Variants in ATP2B4 observed in about 807,000 individuals in gnomAD.
ATP2B4 encodes the protein plasma membrane calcium-transporting ATPase 4.
Under a neutral mutation model 110.3 loss-of-function variants are expected in ATP2B4, and 39 were observed. The observed-to-expected ratio is 0.35, with a 90% CI of 0.27 to 0.46. The LOEUF (loss-of-function observed/expected upper bound fraction) is 0.46, where lower values mean the gene tolerates loss of function less well. Ranked by LOEUF, ATP2B4 falls within the 20% of genes least tolerant of loss-of-function variation. The pLI is 1.00. For missense variants in ATP2B4, 1,135 were observed against 1,530.9 expected (o/e 0.74, Z 4.32); for synonymous variants, 538 against 571.7 (o/e 0.94, Z 0.84).
intron 20 of ATP2B4, among the ~76,000 whole-genome samples, chr1:203,737,032 C>G (rs765194367): frequency 2.2e-4 from 33 of 152,206 alleles, no homozygotes; most frequent in Non-Finnish European, 4.4e-4. Flanking sequence ...TGCAGTCTAG[C>G]TGGATGACTG....
At chr1:203,722,003 A>T (rs1024748683) in intron 17 of ATP2B4, among the ~76,000 whole-genome samples, 2 of 152,162 alleles carry the variant, frequency 1.3e-5, no homozygotes, top group Admixed American at 1.3e-4. Flanking sequence ...CTCAGGTCCC[A>T]TAATGAGTAC....
chr1:203,724,651 A>G (rs1666450333), intron 19 of ATP2B4, among the ~76,000 whole-genome samples: 1 of 151,986 alleles, frequency 6.6e-6, no homozygotes, highest in African/African-American at 2.4e-5. Flanking sequence ...ACATGTCTTT[A>G]TTCTCATGAG....
At chr1:203,714,760 A>G (rs1012562004) in intron 15 of ATP2B4, among the ~76,000 whole-genome samples, 2 of 151,984 alleles carry the variant, frequency 1.3e-5, no homozygotes, top group Non-Finnish European at 2.9e-5. Context: ...TTTAACAGGC[A>G]CACCAGTTAA....
At chr1:203,678,799 G>A (rs548247686) in intron 1 of ATP2B4, among the ~76,000 whole-genome samples, 2 of 152,188 alleles carry the variant, frequency 1.3e-5, no homozygotes, top group African/African-American at 4.8e-5. Context: ...AAGAGCACCA[G>A]GCAGTCAAGA....
At chr1:203,703,935 G>T (rs776928435) in intron 8 of ATP2B4, 122 bp downstream of exon 8, 2 of 1,291,092 alleles carry the variant, frequency 1.5e-6, no homozygotes, top group East Asian at 2.6e-5. Flanking sequence ...AGGGTGGCTA[G>T]TTGGGGCTAG....
chr1:203,735,185 G>T (rs1352899034), intron 20 of ATP2B4, among the ~76,000 whole-genome samples: 1 of 152,044 alleles, frequency 6.6e-6, no homozygotes. Flanking sequence ...TTCACCAATA[G>T]CCAGCACTTA....
rs997985415 is a variant in ATP2B4, at chr1:203,725,296, C to T, written c.3132+1308C>T. 3.9e-5 allele frequency among the ~76,000 whole-genome samples: 6 copies of T among 151,976 alleles called. No homozygotes were observed. In the East Asian group the frequency reaches 9.7e-4, roughly 25 times the overall value. ...CCAAGTAGCTGGGATTACAGGCACC[C>T]ACCACCGCGCCCAGCTAATTTTTTG... On this transcript the variant is annotated intron_variant, in intron 19 of 20. Transcript: ENST00000357681.
chr1:203,630,437 T>C (rs1189238221), intron 1 of ATP2B4, among the ~76,000 whole-genome samples: 1 of 148,364 alleles, frequency 6.7e-6, no homozygotes, highest in East Asian at 2.0e-4. Flanking sequence ...ATTAGCCCTA[T>C]CCACTAGGAC....
intron 20 of ATP2B4, among the ~76,000 whole-genome samples, chr1:203,730,840 C>T (rs1180989868): frequency 6.6e-6 from 1 of 152,216 alleles, no homozygotes; most frequent in Non-Finnish European, 1.5e-5. Context: ...TGACCAAATT[C>T]ACGCCATCCA....
At chr1:203,698,122 C>T (rs995038932) in intron 2 of ATP2B4, 35 bp from the exon 3 acceptor site, 1 of 1,601,604 alleles carries the variant, frequency 6.2e-7, no homozygotes, top group Admixed American at 1.7e-5. Flanking sequence ...TCCTTTTTTC[C>T]TACATTCATT....
In ATP2B4 at chr1:203,712,001, T is replaced by C; in HGVS notation, c.2073T>C (p.Thr691=). The part of the protein sequence containing the change: ...AIAKCKQAGI[T]VRMVTGDNIN... ...CCAAATGCAAACAAGCTGGCATTAC[T>C]GTCAGAATGGTGACAGGTGACAACA... Residue 691 remains threonine (T), a synonymous_variant, in exon 13 of 21, where the codon ACT becomes ACC. Transcript: ENST00000357681. The C allele has an allele frequency of 6.2e-7, 1 of 1,614,194 alleles. No homozygotes were observed. Among genetic ancestry groups the C allele is most frequent in the Non-Finnish European group, 8.5e-7 (1 of 1,180,000 alleles).
chr1:203,627,574 C>T (rs1663126242), intron 1 of ATP2B4, among the ~76,000 whole-genome samples: 2 of 151,968 alleles, frequency 1.3e-5, no homozygotes, highest in South Asian at 2.1e-4. Context: ...TCCTGCCCTC[C>T]CCTTCCCCCC....
chr1:203,718,356 T>G lies in ATP2B4; in HGVS notation c.2407-2193T>G, dbSNP rs58948155. Among the ~76,000 whole-genome samples the G allele has an allele frequency of 1.8e-4, 27 of 152,280 alleles. No individual in the cohort carries two copies. In the East Asian group the frequency reaches 5.0e-3, roughly 28 times the overall value. On this transcript the variant is annotated intron_variant, in intron 15 of 20. Transcript: ENST00000357681. Reference sequence around the variant, plus strand: ...CTCTGTCGCCCAGGCTGGAGTGCAGTGGCATGATCTTGGCTCACTGCAACC... The same window carrying G: ...CTCTGTCGCCCAGGCTGGAGTGCAGGGGCATGATCTTGGCTCACTGCAACC...
chr1:203,661,109 T>C (rs1409870273), intron 1 of ATP2B4, among the ~76,000 whole-genome samples: 1 of 138,178 alleles, frequency 7.2e-6, no homozygotes, highest in Non-Finnish European at 1.6e-5. Context: ...AAACTTTGTC[T>C]AAAAAAAAAA....
At position 203,629,587 on chromosome 1, in the gene ATP2B4, C is replaced by T. The variant is rs140230419; in HGVS notation, c.-465+2368C>T. ...CCCCCGGGGCTCGGGGCAGGATTGA[C>T]TGCGCAACCCTGCGGCCCCTGTGCT... On this transcript the variant is annotated intron_variant, in intron 1 of 20. Coordinates refer to ENST00000357681, the MANE Select transcript of ATP2B4 (RefSeq NM_001684.5). The surrounding 1 kb of genome is among the most constrained non-coding windows in gnomAD (Gnocchi z 4.6). 1.2e-3 allele frequency among the ~76,000 whole-genome samples: 182 copies of T among 152,272 alleles called. No individual in the cohort carries two copies. The highest frequency in any genetic ancestry group is 3.6e-3 in the African/African-American group (150 of 41,566).
At chr1:203,701,291 G>C (rs959623127) in intron 6 of ATP2B4, among the ~76,000 whole-genome samples, 1 of 152,194 alleles carries the variant, frequency 6.6e-6, no homozygotes, top group Non-Finnish European at 1.5e-5. Flanking sequence ...AAGATGGGGG[G>C]TTAAACGAAC....
chr1:203,689,916 G>T (rs909675192), intron 2 of ATP2B4, among the ~76,000 whole-genome samples: 4 of 152,164 alleles, frequency 2.6e-5, no homozygotes, highest in African/African-American at 7.2e-5. Context: ...ATCATTTAGG[G>T]ATTACCCAGT....
At chr1:203,664,895 G>T (rs8179341) in intron 1 of ATP2B4, among the ~76,000 whole-genome samples, 126,603 of 151,854 alleles carry the variant, frequency 0.83, 55,348 homozygotes, top group Non-Finnish European at 0.97. Flanking sequence ...GCAGTGGCGC[G>T]ATCTTGGCTC....
In ATP2B4 at chr1:203,705,697, G is replaced by A. The variant is rs116869981; in HGVS notation, c.1100-1312G>A. On this transcript the variant is annotated intron_variant, in intron 8 of 20. Coordinates refer to ENST00000357681, the MANE Select transcript of ATP2B4 (RefSeq NM_001684.5). ...CTCCCAAAGTGCTGGGATTATAGGCGTGAGCCACTGTACCTGTCCCCTGCC... is the reference window on the plus strand; with the variant it reads ...CTCCCAAAGTGCTGGGATTATAGGCATGAGCCACTGTACCTGTCCCCTGCC... 1.7e-3 allele frequency among the ~76,000 whole-genome samples: 257 copies of A among 152,310 alleles called. 4 individuals are homozygous for A. The East Asian group carries it at 0.028, about 17-fold the overall frequency.
Sources: allele counts gnomAD v4.1 joint callset (sites outside exome capture counted in the v4.1 genomes callset), GRCh38; gene constraint gnomAD v4.1.1; non-coding constraint Gnocchi (gnomAD v3.1); transcripts MANE v1.5; gene names NCBI Gene and HGNC (gene_info 2026-07-23, HGNC 2026-07-21).